The following MMD2 variants were observed in gnomAD, a reference collection of about 807,000 sequenced individuals.
MMD2 encodes monocyte to macrophage differentiation associated 2.
A neutral mutation model predicts 33.5 loss-of-function variants in MMD2; 30 were observed. The observed-to-expected ratio is 0.90, with a 90% CI of 0.67 to 1.22. MMD2 has a LOEUF of 1.22. Among genes scored for constraint, MMD2 ranks in the 50% most tolerant of loss-of-function variants. The pLI is 0.00. For synonymous variants in MMD2, 129 were observed against 123.0 expected (o/e 1.05, Z -0.32); for missense variants, 364 against 325.4 (o/e 1.12, Z -0.91).
At chr7:4,938,002 C>CT (rs1165504272) in intron 1 of MMD2, among the ~76,000 whole-genome samples, 10,034 of 45,712 alleles carry the variant, frequency 0.22, 2,161 homozygotes, top group Non-Finnish European at 0.28. Context: ...TTCTTTCTTT[C>CT]TTTTTTTTTT....
intron 1 of MMD2, among the ~76,000 whole-genome samples, chr7:4,952,183 C>T (rs1786263418): frequency 6.6e-6 from 1 of 152,212 alleles, no homozygotes; most frequent in Non-Finnish European, 1.5e-5. Context: ...CTGCTCCCAG[C>T]GGCTTGCAGT....
intron 1 of MMD2, among the ~76,000 whole-genome samples, chr7:4,925,762 A>G (rs1345989629): frequency 6.6e-6 from 1 of 152,030 alleles, no homozygotes; most frequent in Non-Finnish European, 1.5e-5. Context: ...CCAATGCAGT[A>G]TTTGTTACAA....
rs1785786878 is a variant in MMD2 at position 4,937,914 on chromosome 7, ACT to A, written c.48-12384_48-12383del. Reference sequence around the variant, plus strand: ...TCCTCCTCCTTTGGCCTCCCAAAGCACTGAGATTACAGGCATGAGCCACATCA... The same window carrying A: ...TCCTCCTCCTTTGGCCTCCCAAAGCAGAGATTACAGGCATGAGCCACATCA... On this transcript the variant is annotated intron_variant, in intron 1 of 6. Coordinates refer to ENST00000401401, the MANE Select transcript of MMD2 (RefSeq NM_198403.4). Among the ~76,000 whole-genome samples the A allele has an allele frequency of 2.0e-5, 3 of 150,618 alleles. No individual in the cohort carries two copies. In the South Asian group the frequency reaches 6.3e-4, roughly 32 times the overall value.
At chr7:4,901,549 G>A (rs1350743722), downstream of MMD2, among the ~76,000 whole-genome samples, 1 of 152,250 alleles carries the variant, frequency 6.6e-6, no homozygotes, top group East Asian at 1.9e-4. Context: ...GGAAACTGAG[G>A]CACGGAGAGG....
At chr7:4,954,631 C>G (rs570196945) in intron 1 of MMD2, among the ~76,000 whole-genome samples, 1 of 152,074 alleles carries the variant, frequency 6.6e-6, no homozygotes, top group Non-Finnish European at 1.5e-5. Flanking sequence ...GTTGCCCAAG[C>G]TGGTCTTGAA....
intron 1 of MMD2, among the ~76,000 whole-genome samples, chr7:4,933,659 G>C (rs1028045244): frequency 6.7e-6 from 1 of 149,634 alleles, no homozygotes; most frequent in Non-Finnish European, 1.5e-5. Context: ...TTTTTTTTTA[G>C]ATAGGGTCTA....
intron 1 of MMD2, among the ~76,000 whole-genome samples, chr7:4,950,300 G>A (rs531463716): frequency 1.3e-5 from 2 of 152,024 alleles, no homozygotes; most frequent in African/African-American, 2.4e-5. Flanking sequence ...GTTTCTCCAC[G>A]TTGGTCAGTC....
chr7:4,906,456 A>C lies in MMD2; in HGVS notation c.*940T>G, dbSNP rs767407644. 1 of 398,526 alleles carries C rather than the reference A, an allele frequency of 2.5e-6. No homozygotes were observed. The highest frequency in any genetic ancestry group is 2.1e-5 in the African/African-American group (1 of 48,640). 24.7% of individuals were successfully genotyped at this position (398,526 alleles called of 1,614,324 possible). The stretch of plus-strand genomic sequence containing the variant: ...TCCAAATGTTGGCATCACAAACCTT[A>C]AGTATGGAGCAGGGAGCAAGTGCCT... On this transcript the variant is annotated 3_prime_UTR_variant, in exon 7 of 7. Coordinates refer to ENST00000401401, the MANE Select transcript of MMD2 (RefSeq NM_198403.4).
chr7:4,945,702 G>A (rs929837247), intron 1 of MMD2, among the ~76,000 whole-genome samples: 10 of 152,138 alleles, frequency 6.6e-5, no homozygotes, highest in African/African-American at 2.2e-4. Context: ...AGCCTCCTAA[G>A]TAGCTGGGAT....
the MMD2 span, among the ~76,000 whole-genome samples, chr7:4,895,065 C>T: frequency 9.1e-4 from 135 of 148,172 alleles, no homozygotes; most frequent in Non-Finnish European, 1.4e-3. Context: ...CGACTGCTTG[C>T]ATCAGCCAGC....
chr7:4,908,186 G>C lies in MMD2; in HGVS notation c.538-587C>G, dbSNP rs139475180. Reference sequence around the variant, plus strand: ...TGAGACACAGTTGCTCTTTTGCCCAGGCTAGAGTGCAGTAGCGAGATCTCA... The same window carrying C: ...TGAGACACAGTTGCTCTTTTGCCCACGCTAGAGTGCAGTAGCGAGATCTCA... On this transcript the variant is annotated intron_variant, in intron 6 of 6. Transcript: ENST00000401401. 1.4e-3 allele frequency among the ~76,000 whole-genome samples: 207 copies of C among 148,832 alleles called. 1 individual carries two copies. Among genetic ancestry groups the C allele is most frequent in the African/African-American group, 4.7e-3 (191 of 40,292 alleles).
At chr7:4,935,048 T>C (rs890836570) in intron 1 of MMD2, among the ~76,000 whole-genome samples, 1 of 152,040 alleles carries the variant, frequency 6.6e-6, no homozygotes, top group Non-Finnish European at 1.5e-5. Flanking sequence ...TAGCCAGGCA[T>C]GGTGGCGCAC....
chr7:4,893,403 T>A, the MMD2 span, among the ~76,000 whole-genome samples: 2 of 149,658 alleles, frequency 1.3e-5, no homozygotes, highest in Non-Finnish European at 3.0e-5. Flanking sequence ...TTTATTTATT[T>A]ATTTTTGAGA....
chr7:4,958,976 G>C lies in MMD2; in HGVS notation c.42C>G (p.Tyr14Ter). The C allele has an allele frequency of 1.0e-5, 13 of 1,286,826 alleles. No individual in the cohort carries two copies. The highest frequency in any genetic ancestry group is 1.2e-5 in the Non-Finnish European group (12 of 1,010,524). The allele number at this position is 1,286,826 out of a possible 1,614,324, so 79.7% of individuals were successfully genotyped here. The change falls in exon 1 of 7, where the codon TAC becomes TAG. Residue 14 changes from tyrosine (Y) to a stop codon, truncating the protein, a stop_gained. Coordinates refer to ENST00000401401, the MANE Select transcript of MMD2 (RefSeq NM_198403.4). LOFTEE classifies it high-confidence loss of function. ...CCTCCGCGGCCGCCGCTCACCTCGC[G>C]TATTTCGTCTTCTGGAAATCCAGCA... ...PRLLDFQKTK[Y>*]ARFMNHRVPA...
chr7:4,910,892 G>A (rs1309283562), intron 5 of MMD2, among the ~76,000 whole-genome samples: 1 of 152,210 alleles, frequency 6.6e-6, no homozygotes, highest in African/African-American at 2.4e-5. Flanking sequence ...TGGATCACTC[G>A]GCCTCCCAAA....
intron 1 of MMD2, among the ~76,000 whole-genome samples, chr7:4,949,863 G>T (rs1786192258): frequency 6.6e-6 from 1 of 152,044 alleles, no homozygotes; most frequent in Admixed American, 6.6e-5. Flanking sequence ...AGCGTGAACA[G>T]GCTAAGACAA....
chr7:4,896,341 A>G, the MMD2 span, among the ~76,000 whole-genome samples: 2 of 152,130 alleles, frequency 1.3e-5, no homozygotes, highest in Non-Finnish European at 2.9e-5. Flanking sequence ...TTAGCTGGGC[A>G]TGGCAGTGTA....
chr7:4,942,568 T>G (rs2115143299), intron 1 of MMD2, among the ~76,000 whole-genome samples: 1 of 150,762 alleles, frequency 6.6e-6, no homozygotes, highest in African/African-American at 2.4e-5. Context: ...CACCCGGCCC[T>G]AGGAGGACAT....
intron 4 of MMD2, among the ~76,000 whole-genome samples, chr7:4,912,891 A>G (rs971988432): frequency 3.9e-5 from 6 of 151,954 alleles, no homozygotes; most frequent in Non-Finnish European, 8.8e-5. Flanking sequence ...TGTAGTAGAG[A>G]TGGGGTTTCA....
Sources: gnomAD v4.1 joint callset for allele counts (sites outside exome capture counted in the v4.1 genomes callset) on GRCh38, gnomAD v4.1.1 for gene constraint, MANE v1.5 for transcripts, NCBI Gene and HGNC (gene_info 2026-07-23, HGNC 2026-07-21) for gene names.